PPP1R12B: variants seen among roughly 807,000 people sequenced by gnomAD.
The protein encoded by PPP1R12B is myosin phosphatase target subunit 2.
Under a neutral mutation model 126.1 loss-of-function variants are expected in PPP1R12B, and 76 were observed. The observed-to-expected ratio is 0.60, with a 90% CI of 0.50 to 0.73. PPP1R12B has a LOEUF of 0.73. Among genes scored for constraint, PPP1R12B ranks in the 30% least tolerant of loss-of-function variants. PPP1R12B has a pLI of 0.00. For missense variants in PPP1R12B, 1,052 were observed against 1,205.1 expected, an observed-to-expected ratio of 0.87 and a Z score of 1.88; for synonymous variants, 356 against 434.7, an observed-to-expected ratio of 0.82 and a Z score of 2.25.
At chr1:202,377,319 C>CTTTT (rs775692123) in intron 1 of PPP1R12B, among the ~76,000 whole-genome samples, 1 of 141,812 alleles carries the variant, frequency 7.1e-6, no homozygotes, top group East Asian at 2.0e-4. Flanking sequence ...AGGGTAGTAT[C>CTTTT]TTTTTTTTTT....
intron 18 of PPP1R12B, among the ~76,000 whole-genome samples, chr1:202,553,104 C>T (rs774529328): frequency 2.0e-5 from 3 of 152,274 alleles, no homozygotes; most frequent in Non-Finnish European, 4.4e-5. Context: ...GAGATTATTA[C>T]GGGAGAATTT....
chr1:202,351,532 C>A (rs1656007967), intron 1 of PPP1R12B, among the ~76,000 whole-genome samples: 1 of 152,228 alleles, frequency 6.6e-6, no homozygotes, highest in Non-Finnish European at 1.5e-5. Flanking sequence ...AGCCACCGCG[C>A]ATGGCCGACC....
chr1:202,372,656 C>T (rs913033961), intron 1 of PPP1R12B, among the ~76,000 whole-genome samples: 1 of 151,878 alleles, frequency 6.6e-6, no homozygotes, highest in African/African-American at 2.4e-5. Context: ...GCCTGTGGTC[C>T]CAGCTACTTG....
intron 18 of PPP1R12B, among the ~76,000 whole-genome samples, chr1:202,553,212 A>G (rs1686500880): frequency 1.3e-5 from 2 of 152,180 alleles, no homozygotes; most frequent in South Asian, 4.1e-4. Flanking sequence ...CTACTCTACA[A>G]TGTATTCATA....
At chr1:202,402,022 T>C (rs1192778347) in intron 1 of PPP1R12B, among the ~76,000 whole-genome samples, 6 of 152,242 alleles carry the variant, frequency 3.9e-5, no homozygotes, top group African/African-American at 1.4e-4. Flanking sequence ...TCTGGGAGGC[T>C]GGGATTTGAC....
At chr1:202,556,827 G>A (rs1687004584) in intron 18 of PPP1R12B, among the ~76,000 whole-genome samples, 1 of 152,190 alleles carries the variant, frequency 6.6e-6, no homozygotes, top group African/African-American at 2.4e-5. Flanking sequence ...ACATTTGCTG[G>A]TATGGAGTTC....
chr1:202,380,442 G>A (rs182901899), intron 1 of PPP1R12B, among the ~76,000 whole-genome samples: 116 of 152,292 alleles, frequency 7.6e-4, no homozygotes, highest in Admixed American at 2.5e-3. Context: ...GATATGACCT[G>A]TGAGTAAAGA....
chr1:202,488,625 T>C lies in PPP1R12B; in HGVS notation c.1941+2T>C, dbSNP rs1678457596. ...CGGCAGACACGAAGGTCTACTCAAG[T>C]GAGTGTGGCTTTTTTTAAAATGTCA... On this transcript the variant is annotated splice_donor_variant, in intron 14 of 23. Transcript: ENST00000608999. LOFTEE classifies it high-confidence loss of function. The C allele has an allele frequency of 1.9e-6, 3 of 1,601,476 alleles. No individual in the cohort carries two copies. Among genetic ancestry groups the C allele is most frequent in the Non-Finnish European group, 8.5e-7 (1 of 1,171,032 alleles).
At chr1:202,443,376 T>G (rs1231307359) in intron 12 of PPP1R12B, among the ~76,000 whole-genome samples, 2 of 152,272 alleles carry the variant, frequency 1.3e-5, no homozygotes, top group African/African-American at 4.8e-5. Flanking sequence ...GATGATTGGT[T>G]GGCTACCTTA....
chr1:202,508,514 A>G lies in PPP1R12B; in HGVS notation c.2490+11692A>G, dbSNP rs1681072529. ...GGTCTTGGAGCTTATAGCTCTTGTT[A>G]TGTTTCTGAAAAATTTTTTCAGGAA... is the stretch of plus-strand genomic sequence containing the variant. On this transcript the variant is annotated intron_variant, in intron 18 of 23. Coordinates refer to ENST00000608999, the MANE Select transcript of PPP1R12B (RefSeq NM_002481.4). This position sits in a 1 kb window ranked among gnomAD's most constrained non-coding sequence, Gnocchi z 4.5. Among the ~76,000 whole-genome samples the G allele has an allele frequency of 1.3e-5, 2 of 152,194 alleles. No individual in the cohort carries two copies. The highest frequency in any genetic ancestry group is 6.5e-5 in the Admixed American group (1 of 15,272).
At chr1:202,494,480 T>C (rs1679272983) in intron 15 of PPP1R12B, among the ~76,000 whole-genome samples, 1 of 151,798 alleles carries the variant, frequency 6.6e-6, no homozygotes, top group Non-Finnish European at 1.5e-5. Flanking sequence ...ACAATCTCTA[T>C]GTCATAAATT....
chr1:202,371,882 G>T (rs1660344116), intron 1 of PPP1R12B, among the ~76,000 whole-genome samples: 1 of 75,860 alleles, frequency 1.3e-5, no homozygotes. Flanking sequence ...TTTTTTTTTG[G>T]AGACGGAGTA....
At position 202,492,578 on chromosome 1, in the gene PPP1R12B, C is replaced by T. The variant is rs541058787; in HGVS notation, c.1942-536C>T. On this transcript the variant is annotated intron_variant, in intron 14 of 23. Transcript: ENST00000608999. ...GGGAACATTAATTGTTGGAATATCC[C>T]TATATGATTCCTAGAGTTACTTGGG... Among the ~76,000 whole-genome samples the T allele has an allele frequency of 5.3e-5, 8 of 152,278 alleles. No homozygotes were observed. The East Asian group carries it at 1.2e-3, about 22-fold the overall frequency.
At chr1:202,546,832 AGTAGAT>A (rs1472107792) in intron 18 of PPP1R12B, among the ~76,000 whole-genome samples, 2 of 152,192 alleles carry the variant, frequency 1.3e-5, no homozygotes, top group African/African-American at 4.8e-5. Flanking sequence ...TTGTCTAAGG[AGTAGAT>A]GTAACATAAG....
At chr1:202,563,201 C>A (rs550155545) in intron 20 of PPP1R12B, among the ~76,000 whole-genome samples, 3 of 152,214 alleles carry the variant, frequency 2.0e-5, no homozygotes, top group Non-Finnish European at 4.4e-5. Context: ...ACTTCCCTCT[C>A]AAACTCCTGG....
chr1:202,507,594 A>G (rs562668194), intron 18 of PPP1R12B, among the ~76,000 whole-genome samples: 5 of 152,360 alleles, frequency 3.3e-5, no homozygotes, highest in African/African-American at 7.2e-5. Context: ...TTCTTTTTAA[A>G]AAACGTATTC....
intron 12 of PPP1R12B, among the ~76,000 whole-genome samples, chr1:202,444,508 A>AT (rs927932208): frequency 3.3e-5 from 5 of 151,720 alleles, no homozygotes; most frequent in East Asian, 1.9e-4. Flanking sequence ...TCTCAAAGTC[A>AT]TTTTTTTTCA....
chr1:202,517,813 A>G (rs1044274156), intron 18 of PPP1R12B, among the ~76,000 whole-genome samples: 1 of 151,938 alleles, frequency 6.6e-6, no homozygotes, highest in African/African-American at 2.4e-5. Context: ...TTCGGTAGAG[A>G]TGGGGTTTCA....
Position 202,488,614 on chromosome 1 carries a change from G to T in PPP1R12B, c.1932G>T (p.Arg644Ser), listed in dbSNP as rs1678455488. The change falls in exon 14 of 24, where the codon AGG (arginine) becomes AGT (serine). Residue 644 changes from arginine (R) to serine (S), a missense_variant. By Grantham distance (110) the Arg-to-Ser change is moderately radical. Coordinates refer to ENST00000608999, the MANE Select transcript of PPP1R12B (RefSeq NM_002481.4). ...ARSRQARQTR[R>S]STQGVTLTDL... is the part of the protein sequence containing the mutation. ...CCAGACAAGCTCGGCAGACACGAAG[G>T]TCTACTCAAGTGAGTGTGGCTTTTT... The T allele has an allele frequency of 1.2e-6, 2 of 1,608,272 alleles. No individual in the cohort carries two copies. The highest frequency in any genetic ancestry group is 1.7e-6 in the Non-Finnish European group (2 of 1,176,052).
Sources: allele counts gnomAD v4.1 joint callset (sites outside exome capture counted in the v4.1 genomes callset), GRCh38; gene constraint gnomAD v4.1.1; non-coding constraint Gnocchi (gnomAD v3.1); transcripts MANE v1.5; gene names NCBI Gene and HGNC (gene_info 2026-07-23, HGNC 2026-07-21).